Variants in POLRMT observed in about 807,000 individuals in gnomAD.
POLRMT encodes RNA polymerase mitochondrial, also known as DNA-directed RNA polymerase, mitochondrial.
Under a neutral mutation model 132.2 loss-of-function variants are expected in POLRMT, and 114 were observed. The ratio of observed to expected loss-of-function variants is 0.86; its 90% CI spans 0.74 to 1.01. The LOEUF (loss-of-function observed/expected upper bound fraction) is 1.01. POLRMT is among the 50% of genes least tolerant of loss of function. The pLI, the probability that POLRMT is intolerant of heterozygous loss-of-function variation, is 0.00. For synonymous variants in POLRMT, 1,020 were observed against 773.4 expected (o/e 1.32, Z -5.29); for missense variants, 2,003 against 1,729.1 (o/e 1.16, Z -2.81).
chr19:625,593 G>A (rs1051458036), intron 3 of POLRMT: 18 of 232,780 alleles, frequency 7.7e-5, no homozygotes, highest in African/African-American at 3.2e-4. Flanking sequence ...CCATTTCATC[G>A]ATTTGTTTTA....
Position 617,614 on chromosome 19 carries a change from G to A in POLRMT, c.3537C>T (p.Ile1179=), listed in dbSNP as rs41551212. 235,618 of 1,612,216 alleles carry A rather than the reference G, an allele frequency of 0.15. 18,777 individuals carry two copies. The highest frequency in any genetic ancestry group is 0.19 in the South Asian group (17,487 of 91,064). The change falls in exon 19 of 21, where the codon ATC becomes ATT. Residue 1179 remains isoleucine (I), a synonymous_variant. Coordinates refer to ENST00000588649, the MANE Select transcript of POLRMT (RefSeq NM_005035.4). ...CCAGGAATCTGGACAGGTCCTGCAG[G>A]ATGGGCTCGCTGTGCAAGCGGACAA... The part of the protein sequence containing the change: ...EQFVRLHSEP[I]LQDLSRFLVK...
chr19:618,685 A>G lies in POLRMT; in HGVS notation c.3323+20T>C. The G allele has an allele frequency of 6.3e-7, 1 of 1,598,536 alleles. No individual in the cohort carries two copies. Among genetic ancestry groups the G allele is most frequent in the Non-Finnish European group, 8.5e-7 (1 of 1,169,652 alleles). The stretch of plus-strand genomic sequence containing the variant: ...CTCTCCAGACCCCCGGCCAGGCCCC[A>G]GCCCGGGCCCCCCACTCACCGGCTG... On this transcript the variant is annotated intron_variant, in intron 16 of 20. Transcript: ENST00000588649.
At chr19:624,471 C>G (rs1217983417) in intron 5 of POLRMT, among the ~76,000 whole-genome samples, 1 of 152,182 alleles carries the variant, frequency 6.6e-6, no homozygotes, top group African/African-American at 2.4e-5. Flanking sequence ...AAACGCACTG[C>G]TCTCCTGTCA....
Position 622,432 on chromosome 19 carries a change from C to T in POLRMT, c.1627-59G>A. The T allele has an allele frequency of 4.1e-6, 6 of 1,478,400 alleles. No individual in the cohort carries two copies. The East Asian group carries it at 7.5e-5, about 18-fold the overall frequency. 91.6% of individuals were successfully genotyped at this position (1,478,400 alleles called of 1,614,324 possible). A position where few individuals can be genotyped will look rare whatever the true frequency, so the allele number is the denominator to read the frequency against. On this transcript the variant is annotated intron_variant, in intron 8 of 20. Coordinates refer to ENST00000588649, the MANE Select transcript of POLRMT (RefSeq NM_005035.4). ...GGGGCCCCTGAGCTAGATGCCCCAC[C>T]GCCCGTGCCTGACGCCCGGTGGGGC... is the stretch of plus-strand genomic sequence containing the variant.
In POLRMT at chr19:630,170, T is replaced by C. The variant is rs774397529; in HGVS notation, c.194-2A>G. Reference sequence around the variant, plus strand: ...GCTGCCGCACCCGCGCCTGGAGCACTGTGAGGGGCAGAAGGCGAGGACATG... The same window carrying C: ...GCTGCCGCACCCGCGCCTGGAGCACCGTGAGGGGCAGAAGGCGAGGACATG... On this transcript the variant is annotated splice_acceptor_variant, in intron 2 of 20. Transcript: ENST00000588649. LOFTEE classifies it high-confidence loss of function. 12 of 1,584,336 alleles carry C rather than the reference T, an allele frequency of 7.6e-6. No homozygotes were observed. In the South Asian group the frequency reaches 1.4e-4, roughly 18 times the overall value.
chr19:622,478 A>G (rs904192094), intron 8 of POLRMT, 104 bp downstream of exon 8: 43 of 1,472,264 alleles, frequency 2.9e-5, no homozygotes, highest in Non-Finnish European at 3.9e-5. Context: ...CCAAGCATAC[A>G]GATGAACAGA....
Position 623,050 on chromosome 19 carries a change from G to C in POLRMT, c.1291-65C>G, listed in dbSNP as rs1255392437. The C allele has an allele frequency of 2.6e-6, 4 of 1,562,892 alleles. No individual in the cohort carries two copies. The East Asian group carries it at 9.1e-5, about 36-fold the overall frequency. On this transcript the variant is annotated intron_variant, in intron 6 of 20. Transcript: ENST00000588649. ...TGGTGGGACCCAGGCTCACAGGACG[G>C]GGGTCACCGCAGCTCCCTGCAGAGA...
Position 621,322 on chromosome 19 carries a change from G to T in POLRMT, c.2376C>A (p.Arg792=), listed in dbSNP as rs1327901229. 1.3e-6 allele frequency: 2 copies of T among 1,595,226 alleles called. No homozygotes were observed. Among genetic ancestry groups the T allele is most frequent in the Non-Finnish European group, 1.7e-6 (2 of 1,176,454 alleles). The change falls in exon 10 of 21, where the codon CGC becomes CGA. Residue 792 remains arginine (R), a synonymous_variant. Coordinates refer to ENST00000588649, the MANE Select transcript of POLRMT (RefSeq NM_005035.4). ...CCATGTTGTGCGGCAGCCAGAAGACGCGGTCCCGCAGGTGCTGCGCCAGCG... is the reference window on the plus strand; with the variant it reads ...CCATGTTGTGCGGCAGCCAGAAGACTCGGTCCCGCAGGTGCTGCGCCAGCG... ...RLSLAQHLRD[R]VFWLPHNMDF...
rs147404016 is a variant in POLRMT at position 625,129 on chromosome 19, G to A, written c.948C>T (p.Ile316=). Residue 316 remains isoleucine (I), a synonymous_variant, in exon 4 of 21, where the codon ATC becomes ATT. Transcript: ENST00000588649. ...GCCCTCCCGACACCACCTACCTTTC[G>A]ATGGTCCCGGCGTCCTGGTCCTGCC... ...MGRQDQDAGT[I]ERCLEQMSQE... is the part of the protein sequence containing the mutation. 3.2e-5 allele frequency: 51 copies of A among 1,612,572 alleles called. No homozygotes were observed. The highest frequency in any genetic ancestry group is 3.8e-5 in the Non-Finnish European group (45 of 1,179,436).
At position 630,026 on chromosome 19, in the gene POLRMT, C is replaced by T. The variant is rs778132763; in HGVS notation, c.336G>A (p.Lys112=). The T allele has an allele frequency of 1.7e-5, 27 of 1,613,784 alleles. No homozygotes were observed. The East Asian group carries it at 5.6e-4, about 33-fold the overall frequency. ...GGCCACAGGGCACCGGGGTGGCATC[C>T]TTGGCCCCCATCTGGACCTTCCTGG... is the stretch of plus-strand genomic sequence containing the variant. The part of the protein sequence containing the change: ...QPPRKVQMGA[K]DATPVPCGRW... Residue 112 remains lysine, a synonymous_variant, in exon 3 of 21, where the codon AAG becomes AAA. Coordinates refer to ENST00000588649, the MANE Select transcript of POLRMT (RefSeq NM_005035.4).
At chr19:632,519 G>A (rs1199970987) in intron 2 of POLRMT, among the ~76,000 whole-genome samples, 1 of 139,096 alleles carries the variant, frequency 7.2e-6, no homozygotes, top group African/African-American at 2.9e-5. Flanking sequence ...CTGCACATGT[G>A]GCCTTGGCGG....
At chr19:626,731 C>T (rs1248959606) in intron 3 of POLRMT, among the ~76,000 whole-genome samples, 1 of 140,472 alleles carries the variant, frequency 7.1e-6, no homozygotes, top group African/African-American at 2.9e-5. Flanking sequence ...CGTGGTGGCA[C>T]ATGCCTGTAA....
In POLRMT at chr19:629,886, C is replaced by A. The variant is rs370579134; in HGVS notation, c.476G>T (p.Arg159Leu). Residue 159 changes from arginine to leucine, a missense_variant, in exon 3 of 21, where the codon CGC becomes CTC. Coordinates refer to ENST00000588649, the MANE Select transcript of POLRMT (RefSeq NM_005035.4). Reference sequence around the variant, plus strand: ...CAGGAGCCGGGGCTCCACCTGCAGGCGCCTGGTCAGCGCCTTGAACTCCCC... The same window carrying A: ...CAGGAGCCGGGGCTCCACCTGCAGGAGCCTGGTCAGCGCCTTGAACTCCCC... ...QSGEFKALTR[R>L]LQVEPRLLSK... The A allele has an allele frequency of 1.2e-6, 2 of 1,611,982 alleles. No homozygotes were observed. The highest frequency in any genetic ancestry group is 1.7e-5 in the Admixed American group (1 of 59,880).
At chr19:625,093 G>T (rs55768440) in intron 4 of POLRMT, 31 bp downstream of exon 4, 4 of 1,599,524 alleles carry the variant, frequency 2.5e-6, no homozygotes, top group Admixed American at 3.4e-5. Flanking sequence ...GGGACATGGT[G>T]GGGGGTGGGG....
At chr19:625,394 C>G in intron 3 of POLRMT, 140 bp from the exon 4 acceptor site, 2 of 1,109,012 alleles carry the variant, frequency 1.8e-6, no homozygotes, top group Non-Finnish European at 2.6e-6. Context: ...GCTGGGCAGA[C>G]CGATGCATCC....
Position 621,561 on chromosome 19 carries a change from C to T in POLRMT, c.2137G>A (p.Val713Met), listed in dbSNP as rs10421235. ...GNCAWRVNGRVLDLVLQLFQA... is the reference protein window; with the variant it reads ...GNCAWRVNGRMLDLVLQLFQA... ...AAGAGCTGCAGCACCAGGTCCAGCA[C>T]GCGCCCGTTGACGCGCCAGGCGCAG... The change falls in exon 10 of 21, where the codon GTG becomes ATG. Residue 713 changes from valine to methionine, a missense_variant. Coordinates refer to ENST00000588649, the MANE Select transcript of POLRMT (RefSeq NM_005035.4). 10 of 1,448,240 alleles carry T rather than the reference C, an allele frequency of 6.9e-6. No homozygotes were observed. In the South Asian group the frequency reaches 9.9e-5, roughly 14 times the overall value. The allele number at this position is 1,448,240 out of a possible 1,614,324, so 89.7% of individuals were successfully genotyped here.
At chr19:623,801 G>A (rs750893649) in intron 5 of POLRMT, among the ~76,000 whole-genome samples, 198 bp from the exon 6 acceptor site, 1 of 152,156 alleles carries the variant, frequency 6.6e-6, no homozygotes, top group East Asian at 1.9e-4. Flanking sequence ...TCCTGGCCTC[G>A]ACCCCTCTAG....
chr19:629,129 A>G (rs1189619525), intron 3 of POLRMT, among the ~76,000 whole-genome samples: 2 of 152,166 alleles, frequency 1.3e-5, no homozygotes, highest in Admixed American at 1.3e-4. Context: ...GCGCCAGTGA[A>G]CACCCACATT....
At position 624,759 on chromosome 19, in the gene POLRMT, G is replaced by C. The variant is rs374260495; in HGVS notation, c.1100C>G (p.Pro367Arg). The C allele has an allele frequency of 9.9e-6, 16 of 1,613,772 alleles. No homozygotes were observed. Among genetic ancestry groups the C allele is most frequent in the Non-Finnish European group, 1.4e-5 (16 of 1,179,968 alleles). Reference protein sequence around the residue: ...TFSLPPQLPPPVNTSKLLRDV... With the variant: ...TFSLPPQLPPRVNTSKLLRDV... Reference sequence around the variant, plus strand: ...CCTGAGCAGCTTGGAGGTGTTGACCGGGGGCGGCAGCTGCGGCGGGAGGCT... The same window carrying C: ...CCTGAGCAGCTTGGAGGTGTTGACCCGGGGCGGCAGCTGCGGCGGGAGGCT... The change falls in exon 5 of 21, where the codon CCG (proline) becomes CGG (arginine). Residue 367 changes from proline to arginine, a missense_variant. Transcript: ENST00000588649.
Sources: allele counts gnomAD v4.1 joint callset (sites outside exome capture counted in the v4.1 genomes callset), GRCh38; gene constraint gnomAD v4.1.1; transcripts MANE v1.5; gene names NCBI Gene and HGNC (gene_info 2026-07-23, HGNC 2026-07-21).